Variants in ZFAND4 observed in about 807,000 individuals in gnomAD.
ZFAND4 encodes the protein zinc finger AN1-type containing 4.
ZFAND4 carries 43 observed loss-of-function variants against 64.4 expected under a neutral mutation model. The ratio of observed to expected loss-of-function variants is 0.67; its 90% confidence interval spans 0.52 to 0.86. The LOEUF (loss-of-function observed/expected upper bound fraction) is 0.86, where lower values mean the gene tolerates loss of function less well. ZFAND4 is among the 40% of genes least tolerant of loss of function. ZFAND4 has a pLI of 0.00. For synonymous variants in ZFAND4, 296 were observed against 305.7 expected (o/e 0.97, Z 0.33); for missense variants, 929 against 859.8 (o/e 1.08, Z -1.01).
At chr10:45,670,766 G>C (rs1311591026) in intron 1 of ZFAND4, among the ~76,000 whole-genome samples, 2 of 152,186 alleles carry the variant, frequency 1.3e-5, no homozygotes, top group Non-Finnish European at 2.9e-5. Flanking sequence ...TCAGGACATA[G>C]GCATGAGCAC....
At chr10:45,670,964 A>G (rs1322278831) in intron 1 of ZFAND4, among the ~76,000 whole-genome samples, 2 of 152,232 alleles carry the variant, frequency 1.3e-5, no homozygotes, top group Non-Finnish European at 2.9e-5. Context: ...CAGAATCTAC[A>G]AAGAACTTAG....
At chr10:45,631,233 C>T (rs1174032517) in intron 6 of ZFAND4, among the ~76,000 whole-genome samples, 1 of 149,980 alleles carries the variant, frequency 6.7e-6, no homozygotes, top group Non-Finnish European at 1.5e-5. Flanking sequence ...GGGAGAATGG[C>T]GTGAACCTGG....
chr10:45,626,133 C>T lies in ZFAND4; in HGVS notation c.1690G>A (p.Val564Ile), dbSNP rs1199998462. 5 of 1,614,038 alleles carry T rather than the reference C, an allele frequency of 3.1e-6. No homozygotes were observed. Among genetic ancestry groups the T allele is most frequent in the Non-Finnish European group, 4.2e-6 (5 of 1,180,044 alleles). Residue 564 changes from valine to isoleucine, a missense_variant, in exon 7 of 10, where the codon GTA becomes ATA. By Grantham distance (29) the Val-to-Ile change is conservative. Transcript: ENST00000344646. ...GAGGCAAGAAAACTGATATTATTTA[C>T]ACAACCAACAGGCTCTTTGGAAGCC... ...NKASKEPVGC[V>I]NNISFLASLA...
chr10:45,660,168 A>G (rs2048375285), intron 2 of ZFAND4, among the ~76,000 whole-genome samples: 1 of 150,074 alleles, frequency 6.7e-6, no homozygotes. Flanking sequence ...CTCAAAAAAA[A>G]AAAAAAAAAA....
intron 6 of ZFAND4, among the ~76,000 whole-genome samples, chr10:45,636,970 T>A (rs906421180): frequency 6.6e-6 from 1 of 151,990 alleles, no homozygotes; most frequent in East Asian, 1.9e-4. Context: ...AGGATGTTTT[T>A]TCTTAATAGA....
chr10:45,640,890 C>T (rs2046953551), intron 5 of ZFAND4, among the ~76,000 whole-genome samples: 1 of 152,116 alleles, frequency 6.6e-6, no homozygotes, highest in Non-Finnish European at 1.5e-5. Context: ...AAAACACATC[C>T]AGTCAAGTCA....
chr10:45,660,591 A>G (rs1269760804), intron 2 of ZFAND4, among the ~76,000 whole-genome samples: 1 of 151,636 alleles, frequency 6.6e-6, no homozygotes, highest in African/African-American at 2.4e-5. Flanking sequence ...GATAACTACC[A>G]AAGAATCTAC....
Position 45,639,833 on chromosome 10 carries a change from TG to T in ZFAND4, c.699del (p.Asn233LysfsTer2). On this transcript the variant is annotated frameshift_variant, in exon 6 of 10. Transcript: ENST00000344646. LOFTEE classifies it high-confidence loss of function. ...KMKLLKAKMK[N>X]MNLSKKPKKA... ...AGCTTCACCTTTTTGCTGAGATTCA[TG>T]TTCTTCATCTTAGCCTTCAGCAGCT... The T allele has an allele frequency of 6.2e-7, 1 of 1,611,420 alleles. No homozygotes were observed. The highest frequency in any genetic ancestry group is 8.5e-7 in the Non-Finnish European group (1 of 1,179,292).
chr10:45,663,535 T>C lies in ZFAND4; in HGVS notation c.184+7A>G. ...TTCATATCCTAAAAACAAAGAAAGA[T>C]GAGTACCTTCCAATCTTCGAATTTT... is the stretch of plus-strand genomic sequence containing the variant. On this transcript the variant is annotated splice_region_variant and intron_variant, in intron 2 of 9. Coordinates refer to ENST00000344646, the MANE Select transcript of ZFAND4 (RefSeq NM_174890.4). 1 of 1,575,988 alleles carries C rather than the reference T, an allele frequency of 6.3e-7. No homozygotes were observed. The highest frequency in any genetic ancestry group is 8.6e-7 in the Non-Finnish European group (1 of 1,166,302).
At chr10:45,659,347 G>A (rs765454529) in intron 2 of ZFAND4, among the ~76,000 whole-genome samples, 1 of 152,168 alleles carries the variant, frequency 6.6e-6, no homozygotes, top group Admixed American at 6.6e-5. Flanking sequence ...ACAACGGAAA[G>A]AATTGTAAGA....
chr10:45,665,098 T>C (rs2048731277), intron 1 of ZFAND4, among the ~76,000 whole-genome samples: 1 of 152,182 alleles, frequency 6.6e-6, no homozygotes, highest in African/African-American at 2.4e-5. Context: ...AGTAGTAAAC[T>C]AAATGACAAG....
At chr10:45,630,678 A>G (rs143582832) in intron 6 of ZFAND4, among the ~76,000 whole-genome samples, 3,111 of 152,238 alleles carry the variant, frequency 0.02, 116 homozygotes, top group African/African-American at 0.07. Context: ...GCGAGCCAAG[A>G]TCGCACCACT....
rs373015122 is a variant in ZFAND4, at chr10:45,648,362, T to G, written c.501A>C (p.Leu167Phe). Residue 167 changes from leucine (L) to phenylalanine (F), a missense_variant, in exon 5 of 10, where the codon TTA becomes TTC. Physicochemically the swap from Leu to Phe is conservative, Grantham distance 22. Transcript: ENST00000344646. ...AATCTATTTTCTTTGAAGAGTCAGA[T>G]AACGGTGTTAAAGTGCCATCTCCCC... Reference protein sequence around the residue: ...VDRGDGTLTPLSDSSKKIDFH... With the variant: ...VDRGDGTLTPFSDSSKKIDFH... 6 of 1,614,028 alleles carry G rather than the reference T, an allele frequency of 3.7e-6. No homozygotes were observed. The highest frequency in any genetic ancestry group is 3.3e-5 in the Admixed American group (2 of 59,978).
At chr10:45,633,385 C>T (rs1162993836) in intron 6 of ZFAND4, among the ~76,000 whole-genome samples, 3 of 151,888 alleles carry the variant, frequency 2.0e-5, no homozygotes, top group Non-Finnish European at 2.9e-5. Context: ...TCTCTGAGTT[C>T]CATGCAATAA....
intron 5 of ZFAND4, among the ~76,000 whole-genome samples, chr10:45,642,448 A>G (rs1432945588): frequency 6.6e-6 from 1 of 151,926 alleles, no homozygotes; most frequent in African/African-American, 2.4e-5. Flanking sequence ...TCTACTAAAA[A>G]TACAAAAAAT....
At chr10:45,629,467 A>G (rs2046061553) in intron 6 of ZFAND4, among the ~76,000 whole-genome samples, 1 of 152,170 alleles carries the variant, frequency 6.6e-6, no homozygotes, top group Non-Finnish European at 1.5e-5. Flanking sequence ...TTTGATAGTA[A>G]AAGTAAAGAA....
chr10:45,671,229 G>A (rs2049165170), intron 1 of ZFAND4, among the ~76,000 whole-genome samples: 1 of 152,216 alleles, frequency 6.6e-6, no homozygotes, highest in Admixed American at 6.5e-5. Flanking sequence ...TACACTGTTG[G>A]TGGGACTGTA....
chr10:45,656,501 CAAAAAAAAAAAAAA>C (rs541781976), intron 2 of ZFAND4, among the ~76,000 whole-genome samples: 2 of 24,714 alleles, frequency 8.1e-5, no homozygotes, highest in South Asian at 3.4e-3. Flanking sequence ...GAACCTGTCT[CAAAAAAAAAAAAAA>C]AAAAAAAAAA....
intron 6 of ZFAND4, among the ~76,000 whole-genome samples, chr10:45,637,491 C>A (rs2046686856): frequency 6.6e-6 from 1 of 152,026 alleles, no homozygotes; most frequent in Non-Finnish European, 1.5e-5. Context: ...GTGACTCATG[C>A]CTGTAATCCC....
Sources: allele counts gnomAD v4.1 joint callset (sites outside exome capture counted in the v4.1 genomes callset), GRCh38; gene constraint gnomAD v4.1.1; transcripts MANE v1.5; gene names NCBI Gene and HGNC (gene_info 2026-07-23, HGNC 2026-07-21).